Variants in DPP10 observed in about 807,000 individuals in gnomAD.
The protein encoded by DPP10 is dipeptidyl peptidase like 10.
DPP10 carries 33 observed loss-of-function variants against 120.9 expected under a neutral mutation model. The ratio of observed to expected loss-of-function variants is 0.27; its 90% confidence interval spans 0.21 to 0.37. The LOEUF is 0.37. Among genes scored for constraint, DPP10 ranks in the 10% least tolerant of loss-of-function variants. DPP10 has a pLI of 1.00. For synonymous variants in DPP10, 337 were observed against 326.1 expected (o/e 1.03, Z -0.36); for missense variants, 816 against 942.8 (o/e 0.87, Z 1.76).
chr2:114,808,198 G>A (rs1202457826), intron 1 of DPP10, among the ~76,000 whole-genome samples: 1 of 151,916 alleles, frequency 6.6e-6, no homozygotes, highest in Non-Finnish European at 1.5e-5. Context: ...GTGGATCCAT[G>A]GATCCAGCAT....
At chr2:114,525,726 A>T (rs1685445364) in intron 1 of DPP10, among the ~76,000 whole-genome samples, 1 of 152,242 alleles carries the variant, frequency 6.6e-6, no homozygotes, top group Non-Finnish European at 1.5e-5. Flanking sequence ...ATGAAGGAAG[A>T]TGACTAAACC....
chr2:114,964,304 A>G (rs1698850365), intron 1 of DPP10, among the ~76,000 whole-genome samples: 1 of 152,164 alleles, frequency 6.6e-6, no homozygotes, highest in Admixed American at 6.5e-5. Flanking sequence ...AGCATGTACC[A>G]GACATTCAAT....
At chr2:115,458,825 T>C (rs1216646483) in intron 3 of DPP10, among the ~76,000 whole-genome samples, 2 of 152,176 alleles carry the variant, frequency 1.3e-5, no homozygotes, top group Admixed American at 6.5e-5. Context: ...GTGATACTTA[T>C]GCACATTACT....
Position 114,848,314 on chromosome 2 carries a change from T to C in DPP10, c.60+405476T>C, listed in dbSNP as rs115931248. Among the ~76,000 whole-genome samples, 1,142 of 152,236 alleles carry C rather than the reference T, an allele frequency of 7.5e-3. 15 individuals are homozygous for C. Among genetic ancestry groups the C allele is most frequent in the African/African-American group, 0.026 (1,094 of 41,548 alleles). On this transcript the variant is annotated intron_variant, in intron 1 of 25. Transcript: ENST00000410059. The stretch of plus-strand genomic sequence containing the variant: ...ACCAGCCAAAGCTAAGAATATAATA[T>C]AGATATGAGTCCAAGATTCACAAAA...
At chr2:115,631,655 A>G (rs1421919088) in intron 5 of DPP10, among the ~76,000 whole-genome samples, 1 of 152,020 alleles carries the variant, frequency 6.6e-6, no homozygotes, top group Admixed American at 6.6e-5. Context: ...TGTATGCCTT[A>G]ATTTCATTAT....
At position 115,836,540 on chromosome 2, in the gene DPP10, C is replaced by T. The variant is rs772036307; in HGVS notation, c.2084C>T (p.Pro695Leu). 1 of 1,613,618 alleles carries T rather than the reference C, an allele frequency of 6.2e-7. No homozygotes were observed. The highest frequency in any genetic ancestry group is 1.1e-5 in the South Asian group (1 of 90,992). Reference sequence around the variant, plus strand: ...TTCTCTGAAAGATACCTTGGGATGCCATCTAAGGAAGAAAGCACTTACCAG... The same window carrying T: ...TTCTCTGAAAGATACCTTGGGATGCTATCTAAGGAAGAAAGCACTTACCAG... ...SAFSERYLGM[P>L]SKEESTYQAA... The change falls in exon 23 of 26, where the codon CCA becomes CTA. Residue 695 changes from proline to leucine, a missense_variant. By Grantham distance (98) the Pro-to-Leu change is moderately conservative. Around this residue, in one of 3 missense-constraint regions of DPP10, gnomAD observed 592 missense variants for 649.0 expected, o/e 0.91. Coordinates refer to ENST00000410059, the MANE Select transcript of DPP10 (RefSeq NM_020868.6).
At chr2:114,494,261 A>C (rs1458886199) in intron 1 of DPP10, among the ~76,000 whole-genome samples, 3 of 152,158 alleles carry the variant, frequency 2.0e-5, no homozygotes, top group African/African-American at 7.2e-5. Context: ...CATTTATAAA[A>C]TGGGAATAAT....
chr2:114,910,040 T>G (rs957081694), intron 1 of DPP10, among the ~76,000 whole-genome samples: 10 of 151,546 alleles, frequency 6.6e-5, no homozygotes, highest in African/African-American at 2.4e-4. Flanking sequence ...ATATATATAT[T>G]TATATATAGC....
At chr2:115,502,855 G>A (rs1380999785) in intron 4 of DPP10, among the ~76,000 whole-genome samples, 2 of 120,892 alleles carry the variant, frequency 1.7e-5, no homozygotes, top group South Asian at 6.4e-4. Flanking sequence ...CACCAGGCTC[G>A]GCTAATTTTT....
intron 4 of DPP10, among the ~76,000 whole-genome samples, chr2:115,516,675 C>T (rs2077522071): frequency 6.9e-6 from 1 of 144,716 alleles, no homozygotes; most frequent in South Asian, 2.2e-4. Flanking sequence ...GTTATAATTT[C>T]ATGTTAAAAT....
chr2:115,365,428 C>A (rs2065021929), intron 3 of DPP10, among the ~76,000 whole-genome samples: 1 of 151,868 alleles, frequency 6.6e-6, no homozygotes, highest in African/African-American at 2.4e-5. Context: ...TAACTGCAGA[C>A]ATCAGGCAGA....
chr2:114,943,058 C>T (rs1697079740), intron 1 of DPP10, among the ~76,000 whole-genome samples: 2 of 152,068 alleles, frequency 1.3e-5, no homozygotes, highest in Admixed American at 6.6e-5. Flanking sequence ...TAGCCCTCCA[C>T]CCCCCAGCAG....
intron 3 of DPP10, among the ~76,000 whole-genome samples, chr2:115,483,060 G>A (rs2075535815): frequency 6.6e-6 from 1 of 152,004 alleles, no homozygotes; most frequent in African/African-American, 2.4e-5. Flanking sequence ...AGAGTACACA[G>A]CCATTTTGAT....
At chr2:114,815,321 C>T (rs1685534707) in intron 1 of DPP10, among the ~76,000 whole-genome samples, 1 of 152,218 alleles carries the variant, frequency 6.6e-6, no homozygotes, top group Non-Finnish European at 1.5e-5. Context: ...CTGAAGAATG[C>T]CCAGCATTGA....
chr2:114,601,069 T>C (rs1280529864), intron 1 of DPP10, among the ~76,000 whole-genome samples: 1 of 151,894 alleles, frequency 6.6e-6, no homozygotes, highest in African/African-American at 2.4e-5. Flanking sequence ...ATGTAAAGCC[T>C]GTTAGAAACT....
At chr2:114,474,313 C>T (rs943607645) in intron 1 of DPP10, among the ~76,000 whole-genome samples, 1 of 152,228 alleles carries the variant, frequency 6.6e-6, no homozygotes, top group African/African-American at 2.4e-5. Flanking sequence ...GGTGTAACAA[C>T]CAAAATAAAA....
intron 3 of DPP10, among the ~76,000 whole-genome samples, chr2:115,485,141 A>G (rs1226871624): frequency 6.6e-6 from 1 of 151,986 alleles, no homozygotes; most frequent in Non-Finnish European, 1.5e-5. Context: ...CATCCTGGGC[A>G]TAAGAACAAA....
chr2:114,576,943 G>A lies in DPP10; in HGVS notation c.60+134105G>A, dbSNP rs1028626015. On this transcript the variant is annotated intron_variant, in intron 1 of 25. Coordinates refer to ENST00000410059, the MANE Select transcript of DPP10 (RefSeq NM_020868.6). ...AAGAAATTTCACTTGTTTTAGACAA[G>A]AGGAAGGCAAGAAGACATAGTTAAT... Among the ~76,000 whole-genome samples the A allele has an allele frequency of 6.6e-5, 10 of 152,106 alleles. No individual in the cohort carries two copies. The East Asian group carries it at 1.9e-3, about 30-fold the overall frequency.
At chr2:115,281,649 A>C (rs780198160) in intron 1 of DPP10, among the ~76,000 whole-genome samples, 5 of 152,196 alleles carry the variant, frequency 3.3e-5, no homozygotes, top group Non-Finnish European at 7.3e-5. Flanking sequence ...TGTTTTAATA[A>C]TATTCATCTC....
Sources: gnomAD v4.1 joint callset for allele counts (sites outside exome capture counted in the v4.1 genomes callset) on GRCh38, gnomAD v4.1.1 for gene constraint, gnomAD v4.1.1 regional missense constraint, MANE v1.5 for transcripts, NCBI Gene and HGNC (gene_info 2026-07-23, HGNC 2026-07-21) for gene names.